The following TRPM3 variants were observed in gnomAD, a reference collection of about 807,000 sequenced individuals.
TRPM3 encodes long transient receptor potential channel 3.
TRPM3 carries 77 observed loss-of-function variants against 181.2 expected under a neutral mutation model. That is an observed-to-expected ratio of 0.42 (90% CI 0.35 to 0.51). TRPM3 has a LOEUF of 0.51. TRPM3 is among the 20% of genes least tolerant of loss of function. The probability of loss-of-function intolerance (pLI) is 0.01; values close to 1 mark genes in which losing one functional copy is unlikely to be tolerated. For synonymous variants in TRPM3, 745 were observed against 796.4 expected, an observed-to-expected ratio of 0.94 and a Z score of 1.09; for missense variants, 1,759 against 2,196.7, an observed-to-expected ratio of 0.80 and a Z score of 3.98.
At chr9:71,300,274 G>C (rs748173466) in intron 1 of TRPM3, among the ~76,000 whole-genome samples, 4 of 152,038 alleles carry the variant, frequency 2.6e-5, no homozygotes, top group Non-Finnish European at 4.4e-5. Context: ...CAAAATGCAT[G>C]AATCTGCAAG....
chr9:70,837,597 C>T (rs772735482), intron 5 of TRPM3, among the ~76,000 whole-genome samples: 3 of 152,178 alleles, frequency 2.0e-5, no homozygotes, highest in Non-Finnish European at 2.9e-5. Flanking sequence ...TTCAGAAACT[C>T]TTCATTTACC....
intron 1 of TRPM3, among the ~76,000 whole-genome samples, chr9:71,276,699 T>C (rs1337669740): frequency 1.3e-5 from 2 of 152,200 alleles, no homozygotes; most frequent in African/African-American, 2.4e-5. Flanking sequence ...TGTTCATCCA[T>C]TAAAAGCAGA....
intron 1 of TRPM3, among the ~76,000 whole-genome samples, chr9:71,292,978 T>C (rs2085944388): frequency 6.6e-6 from 1 of 151,908 alleles, no homozygotes; most frequent in South Asian, 2.1e-4. Context: ...CTCAAGAATA[T>C]AAAGTTGGTT....
chr9:70,740,343 A>T (rs1353661768), intron 8 of TRPM3, among the ~76,000 whole-genome samples: 1 of 152,218 alleles, frequency 6.6e-6, no homozygotes, highest in Non-Finnish European at 1.5e-5. Flanking sequence ...ATAGGAACAC[A>T]TCCTATGCTT....
intron 1 of TRPM3, among the ~76,000 whole-genome samples, chr9:71,224,131 T>C (rs1483104842): frequency 2.6e-5 from 4 of 152,146 alleles, no homozygotes; most frequent in Non-Finnish European, 5.9e-5. Context: ...GTAGTACCAG[T>C]GGTGGTGGGG....
intron 8 of TRPM3, among the ~76,000 whole-genome samples, chr9:70,760,368 A>G (rs896990557): frequency 6.7e-6 from 1 of 149,792 alleles, no homozygotes; most frequent in African/African-American, 2.5e-5. Context: ...CTCCCTGGAT[A>G]GAGGAAGTAT....
intron 1 of TRPM3, among the ~76,000 whole-genome samples, chr9:70,998,170 TAC>T (rs1365230116): frequency 7.0e-6 from 1 of 143,706 alleles, no homozygotes; most frequent in Non-Finnish European, 1.5e-5. Flanking sequence ...TATACATATA[TAC>T]ACATATATAT....
rs1286736696 is a variant in TRPM3 at position 70,532,030 on chromosome 9, T to C, written c.*3923A>G. Reference sequence around the variant, plus strand: ...TTATAAAGCTCTCCTGTAACGTTCATTAATACAACCACATGCTACAACTAC... The same window carrying C: ...TTATAAAGCTCTCCTGTAACGTTCACTAATACAACCACATGCTACAACTAC... On this transcript the variant is annotated 3_prime_UTR_variant, in exon 26 of 26. Coordinates refer to ENST00000677713, the MANE Select transcript of TRPM3 (RefSeq NM_001366145.2). 3 of 152,218 alleles carry C rather than the reference T, an allele frequency of 2.0e-5. No homozygotes were observed. Among genetic ancestry groups the C allele is most frequent in the African/African-American group, 7.2e-5 (3 of 41,454 alleles). 9.4% of individuals were successfully genotyped at this position (152,218 alleles called of 1,614,324 possible). A position where few individuals can be genotyped will look rare whatever the true frequency, so the allele number is the denominator to read the frequency against.
At chr9:71,386,470 A>C (rs1334926065) in intron 1 of TRPM3, among the ~76,000 whole-genome samples, 5 of 151,938 alleles carry the variant, frequency 3.3e-5, no homozygotes, top group Non-Finnish European at 7.4e-5. Context: ...AAAAGATAGC[A>C]AATATAGGAA....
intron 1 of TRPM3, among the ~76,000 whole-genome samples, chr9:71,049,059 A>G (rs2059778951): frequency 6.6e-6 from 1 of 152,126 alleles, no homozygotes; most frequent in African/African-American, 2.4e-5. Flanking sequence ...GCTTCCAGGG[A>G]AATATGACAA....
intron 1 of TRPM3, among the ~76,000 whole-genome samples, chr9:70,969,489 G>A (rs1397637808): frequency 6.7e-6 from 1 of 149,746 alleles, no homozygotes; most frequent in Non-Finnish European, 1.5e-5. Context: ...AAATAATAAT[G>A]TGTTGGTCAT....
At chr9:70,544,173 A>G (rs2044259046) in intron 25 of TRPM3, among the ~76,000 whole-genome samples, 1 of 152,204 alleles carries the variant, frequency 6.6e-6, no homozygotes, top group African/African-American at 2.4e-5. Context: ...AAGAAATGCC[A>G]GAAAATTGGA....
intron 9 of TRPM3, among the ~76,000 whole-genome samples, chr9:70,663,092 G>T (rs757507763): frequency 6.6e-6 from 1 of 152,148 alleles, no homozygotes; most frequent in Non-Finnish European, 1.5e-5. Context: ...TTTTGCAGCA[G>T]CTTGGGTGGA....
intron 18 of TRPM3, among the ~76,000 whole-genome samples, chr9:70,613,306 TG>T (rs2062257920): frequency 1.3e-5 from 2 of 152,220 alleles, no homozygotes; most frequent in Non-Finnish European, 2.9e-5. Flanking sequence ...GAATCTATGC[TG>T]GCTAGACACA....
chr9:70,851,401 T>C (rs138016980), intron 3 of TRPM3, among the ~76,000 whole-genome samples: 3 of 152,306 alleles, frequency 2.0e-5, no homozygotes, highest in Non-Finnish European at 4.4e-5. Context: ...AGTGACATAT[T>C]ATGGAGTTCA....
intron 1 of TRPM3, among the ~76,000 whole-genome samples, chr9:71,267,568 CTACT>C (rs1448157542): frequency 9.7e-6 from 1 of 102,922 alleles, no homozygotes; most frequent in Non-Finnish European, 2.1e-5. Flanking sequence ...TACTCAGACT[CTACT>C]TATCTCTGTC....
At chr9:71,026,994 G>A (rs1204809734) in intron 1 of TRPM3, among the ~76,000 whole-genome samples, 1 of 152,140 alleles carries the variant, frequency 6.6e-6, no homozygotes, top group African/African-American at 2.4e-5. Context: ...GCCACTGCTT[G>A]TGGCACATGC....
At chr9:70,758,656 G>A (rs948359809) in intron 8 of TRPM3, among the ~76,000 whole-genome samples, 2 of 152,136 alleles carry the variant, frequency 1.3e-5, no homozygotes, top group Non-Finnish European at 2.9e-5. Context: ...GAACAGAACA[G>A]AGGCCTCAGA....
At chr9:71,261,094 G>C (rs977815336) in intron 1 of TRPM3, among the ~76,000 whole-genome samples, 1 of 152,320 alleles carries the variant, frequency 6.6e-6, no homozygotes, top group South Asian at 2.1e-4. Context: ...ATTCTGAAGA[G>C]TGTTTTCCAA....
Sources: allele counts gnomAD v4.1 joint callset (sites outside exome capture counted in the v4.1 genomes callset), GRCh38; gene constraint gnomAD v4.1.1; transcripts MANE v1.5; gene names NCBI Gene and HGNC (gene_info 2026-07-23, HGNC 2026-07-21).